The following FHIT variants were observed in gnomAD, a reference collection of about 807,000 sequenced individuals.
FHIT encodes fragile histidine triad diadenosine triphosphatase.
A neutral mutation model predicts 17.9 loss-of-function variants in FHIT; 19 were observed. The observed-to-expected ratio is 1.06, with a 90% CI of 0.74 to 1.56. The LOEUF (loss-of-function observed/expected upper bound fraction) is 1.56, where lower values mean the gene tolerates loss of function less well. FHIT is among the 40% of genes most tolerant of loss of function. The pLI, the probability that FHIT is intolerant of heterozygous loss-of-function variation, is 0.00. For missense variants in FHIT, 248 were observed against 189.2 expected, an observed-to-expected ratio of 1.31 and a Z score of -1.82; for synonymous variants, 81 against 69.7, an observed-to-expected ratio of 1.16 and a Z score of -0.81.
intron 5 of FHIT, among the ~76,000 whole-genome samples, chr3:60,309,065 A>G (rs1390004278): frequency 2.6e-5 from 4 of 152,182 alleles, no homozygotes; most frequent in Non-Finnish European, 5.9e-5. Flanking sequence ...AGGATTCATT[A>G]GAGTGATAAT....
chr3:60,943,817 A>G (rs1222316335), intron 3 of FHIT, among the ~76,000 whole-genome samples: 1 of 152,172 alleles, frequency 6.6e-6, no homozygotes, highest in Non-Finnish European at 1.5e-5. Flanking sequence ...GCTCATAAGT[A>G]CTTATATATA....
chr3:59,845,261 G>C (rs1701677450), intron 8 of FHIT, among the ~76,000 whole-genome samples: 1 of 151,314 alleles, frequency 6.6e-6, no homozygotes. Flanking sequence ...GTTTTTCCTT[G>C]ATTTCTATTA....
chr3:61,000,985 T>C (rs1464407930), intron 3 of FHIT, among the ~76,000 whole-genome samples: 1 of 148,484 alleles, frequency 6.7e-6, no homozygotes, highest in South Asian at 2.1e-4. Context: ...CAATAAACAG[T>C]TAGAAAATGG....
chr3:60,249,647 G>C (rs536993998), intron 5 of FHIT, among the ~76,000 whole-genome samples: 2 of 146,768 alleles, frequency 1.4e-5, no homozygotes, highest in East Asian at 4.0e-4. Context: ...TGATCTGAGA[G>C]TCTCCTGGAG....
intron 5 of FHIT, among the ~76,000 whole-genome samples, chr3:60,183,308 G>T (rs1702021935): frequency 6.6e-6 from 1 of 152,152 alleles, no homozygotes; most frequent in African/African-American, 2.4e-5. Context: ...TTAGGCAGGA[G>T]AATCACTTGA....
At chr3:60,371,611 A>G (rs574029232) in intron 5 of FHIT, among the ~76,000 whole-genome samples, 3 of 152,320 alleles carry the variant, frequency 2.0e-5, no homozygotes, top group East Asian at 1.9e-4. Context: ...ATGAAAAGCA[A>G]TAACTTCTAA....
intron 5 of FHIT, among the ~76,000 whole-genome samples, chr3:60,468,950 G>A (rs9821564): frequency 0.072 from 10,900 of 152,104 alleles, 1,272 homozygotes; most frequent in African/African-American, 0.25. Context: ...ACTATTGTAG[G>A]TTAGAAGATT....
At chr3:60,198,144 A>G (rs1160801805) in intron 5 of FHIT, among the ~76,000 whole-genome samples, 2 of 151,814 alleles carry the variant, frequency 1.3e-5, no homozygotes, top group African/African-American at 4.8e-5. Flanking sequence ...TGAGGCAGGA[A>G]TTTCACTACA....
At chr3:59,750,090 G>T (rs992782717) in intron 9 of FHIT, 11 of 226,078 alleles carry the variant, frequency 4.9e-5, no homozygotes, top group South Asian at 1.8e-4. Flanking sequence ...TTTCTGGTAA[G>T]ATGTACAAGG....
intron 5 of FHIT, among the ~76,000 whole-genome samples, chr3:60,310,600 G>A (rs1158129258): frequency 6.6e-6 from 1 of 152,042 alleles, no homozygotes; most frequent in Non-Finnish European, 1.5e-5. Flanking sequence ...AGCTACTGGG[G>A]AAAACTGGAG....
chr3:61,029,648 C>G (rs772632985), intron 3 of FHIT, among the ~76,000 whole-genome samples: 1 of 152,286 alleles, frequency 6.6e-6, no homozygotes, highest in Middle Eastern at 3.4e-3. Context: ...TGCACCACAA[C>G]TGAGTTCAAC....
chr3:61,237,678 T>C (rs1043712592), intron 1 of FHIT, among the ~76,000 whole-genome samples: 4 of 152,338 alleles, frequency 2.6e-5, no homozygotes, highest in African/African-American at 7.2e-5. Flanking sequence ...GTGCTGAGTA[T>C]GTATCAGGCA....
chr3:59,971,658 G>C (rs1282012853), intron 7 of FHIT, among the ~76,000 whole-genome samples: 2 of 152,258 alleles, frequency 1.3e-5, no homozygotes, highest in South Asian at 2.1e-4. Context: ...TGGGAGAAAA[G>C]GGTCTTGGAA....
intron 2 of FHIT, among the ~76,000 whole-genome samples, chr3:61,085,612 T>C (rs2035281847): frequency 6.6e-6 from 1 of 152,134 alleles, no homozygotes; most frequent in African/African-American, 2.4e-5. Context: ...AACTCACGTT[T>C]TAAAATGTTA....
intron 3 of FHIT, among the ~76,000 whole-genome samples, chr3:60,952,113 G>A (rs1553777364): frequency 6.6e-6 from 1 of 151,422 alleles, no homozygotes; most frequent in Non-Finnish European, 1.5e-5. Flanking sequence ...TTGGTGAGCT[G>A]AGATCATGCC....
intron 4 of FHIT, among the ~76,000 whole-genome samples, chr3:60,750,165 G>A (rs1451338204): frequency 2.0e-5 from 3 of 152,114 alleles, no homozygotes; most frequent in Non-Finnish European, 2.9e-5. Flanking sequence ...GAGTTTTCAG[G>A]AGTGCATAGG....
intron 5 of FHIT, among the ~76,000 whole-genome samples, chr3:60,373,419 T>C (rs184079237): frequency 2.0e-5 from 3 of 152,258 alleles, no homozygotes; most frequent in South Asian, 2.1e-4. Flanking sequence ...TCAGTGTGGT[T>C]GCAGTACAGA....
rs1232608993 is a variant in FHIT, at chr3:59,749,256, CTGTAATAGGTT to C, written c.*318_*328del. 4.3e-6 allele frequency: 1 copy of C among 230,276 alleles called. No individual in the cohort carries two copies. Among genetic ancestry groups the C allele is most frequent in the Non-Finnish European group, 8.6e-6 (1 of 116,376 alleles). The allele number at this position is 230,276 out of a possible 1,614,324, so 14.3% of individuals were successfully genotyped here. ...ATTTCCTTTAAAAAAGTAACTGTAA[CTGTAATAGGTT>C]TGTTGCCTAATTCATGGCAAGTCAA... is the stretch of plus-strand genomic sequence containing the variant. On this transcript the variant is annotated 3_prime_UTR_variant, in exon 10 of 10. Coordinates refer to ENST00000492590, the MANE Select transcript of FHIT (RefSeq NM_002012.4).
intron 9 of FHIT, chr3:59,750,167 A>C (rs538929930): frequency 1.1e-4 from 26 of 226,738 alleles, no homozygotes; most frequent in African/African-American, 5.5e-4. Context: ...AAAACTGACA[A>C]AACAAAGCCT....
Sources: gnomAD v4.1 joint callset for allele counts (sites outside exome capture counted in the v4.1 genomes callset) on GRCh38, gnomAD v4.1.1 for gene constraint, MANE v1.5 for transcripts, NCBI Gene and HGNC (gene_info 2026-07-23, HGNC 2026-07-21) for gene names.